The following USP40 variants were observed in gnomAD, a reference collection of about 807,000 sequenced individuals.
The protein encoded by USP40 is ubiquitin carboxyl-terminal hydrolase 40.
A neutral mutation model predicts 166.2 loss-of-function variants in USP40; 143 were observed. The observed-to-expected ratio is 0.86, with a 90% CI of 0.75 to 0.99. USP40 has a LOEUF of 0.99. USP40 is among the 50% of genes least tolerant of loss of function. The probability of loss-of-function intolerance (pLI) is 0.00; values close to 1 mark genes in which losing one functional copy is unlikely to be tolerated. For missense variants in USP40, 1,444 were observed against 1,479.7 expected (o/e 0.98, Z 0.40); for synonymous variants, 498 against 524.0 (o/e 0.95, Z 0.68).
chr2:233,539,926 G>A (rs953033148), intron 10 of USP40, among the ~76,000 whole-genome samples: 1 of 151,990 alleles, frequency 6.6e-6, no homozygotes, highest in African/African-American at 2.4e-5. Context: ...TTGAGTCCAG[G>A]AGTTTGAGAC....
chr2:233,509,398 G>GA (rs2066643067), intron 21 of USP40, among the ~76,000 whole-genome samples: 1 of 151,830 alleles, frequency 6.6e-6, no homozygotes, highest in Non-Finnish European at 1.5e-5. Flanking sequence ...ATAAATACTA[G>GA]AAAAAATATG....
intron 12 of USP40, among the ~76,000 whole-genome samples, chr2:233,527,980 A>ATT (rs200328029): frequency 0.011 from 1,509 of 139,552 alleles, 30 homozygotes; most frequent in African/African-American, 0.036. Context: ...TTCTCCCATG[A>ATT]TTTTTTTTTT....
At chr2:233,498,940 A>G (rs1174798401) in intron 22 of USP40, among the ~76,000 whole-genome samples, 1 of 152,194 alleles carries the variant, frequency 6.6e-6, no homozygotes, top group Non-Finnish European at 1.5e-5. Flanking sequence ...GAATCAATAA[A>G]ATTGAAAGGA....
At chr2:233,512,534 T>G (rs1178427725) in intron 19 of USP40, 35 bp downstream of exon 19, 1 of 1,502,766 alleles carries the variant, frequency 6.7e-7, no homozygotes. Context: ...CAGACGAGTA[T>G]AAGCCACCTT....
Position 233,510,116 on chromosome 2 carries a change from A to G in USP40, c.2546T>C (p.Met849Thr). ...SSSQLFLFFA[M>T]GSDVQPGTEM... ...TGTCCCAGGTTGAACGTCACTCCCC[A>G]TTGCAAAAAACAGGAACAACTAATA... The change falls in exon 21 of 32, where the codon ATG (methionine) becomes ACG (threonine). Residue 849 changes from methionine (M) to threonine (T), a missense_variant. Transcript: ENST00000678225. 1.2e-6 allele frequency: 2 copies of G among 1,603,522 alleles called. No homozygotes were observed. Among genetic ancestry groups the G allele is most frequent in the East Asian group, 2.2e-5 (1 of 44,690 alleles).
intron 2 of USP40, among the ~76,000 whole-genome samples, chr2:233,563,951 A>G (rs1243132078): frequency 6.6e-6 from 1 of 152,154 alleles, no homozygotes; most frequent in Non-Finnish European, 1.5e-5. Context: ...CTACGTTTCT[A>G]CTTCGAGTTG....
At chr2:233,498,332 G>A (rs905936852) in intron 23 of USP40, among the ~76,000 whole-genome samples, 30 of 152,134 alleles carry the variant, frequency 2.0e-4, no homozygotes, top group Non-Finnish European at 1.2e-4. Context: ...TCATGGCAAG[G>A]GGGTTTACCA....
chr2:233,521,172 A>G, intron 16 of USP40, 58 bp from the exon 17 acceptor site: 1 of 1,548,934 alleles, frequency 6.5e-7, no homozygotes, highest in South Asian at 1.2e-5. Context: ...TCACTTCCAA[A>G]ACTCTGCATG....
At chr2:233,558,027 T>TAAAA (rs2071254611) in intron 4 of USP40, among the ~76,000 whole-genome samples, 1 of 113,328 alleles carries the variant, frequency 8.8e-6, no homozygotes, top group Non-Finnish European at 1.9e-5. Flanking sequence ...AAAAAAAAAG[T>TAAAA]TTTGTGTGAA....
chr2:233,498,609 T>A lies in USP40; in HGVS notation c.2654A>T (p.Asp885Val), dbSNP rs1476430890. 5.6e-6 allele frequency: 9 copies of A among 1,613,190 alleles called. No individual in the cohort carries two copies. The highest frequency in any genetic ancestry group is 7.6e-6 in the Non-Finnish European group (9 of 1,179,554). ...ATCCATTTTTCGTAAATGCCAGGCA[T>A]CTCCTATAAAGGAGTCAAAATTGGG... is the stretch of plus-strand genomic sequence containing the variant. ...LMLKKSGLQG[D>V]AWHLRKMDWC... Residue 885 changes from aspartate to valine, a missense_variant, in exon 23 of 32, where the codon GAT (aspartate) becomes GTT (valine). Asp to Val is a radical substitution (Grantham distance 152, BLOSUM62 -3). Transcript: ENST00000678225.
rs796621719 is a variant in USP40, at chr2:233,558,382, A to G, written c.382-1363T>C. Among the ~76,000 whole-genome samples the G allele has an allele frequency of 3.9e-5, 6 of 152,266 alleles. No individual in the cohort carries two copies. The East Asian group carries it at 9.6e-4, about 24-fold the overall frequency. On this transcript the variant is annotated intron_variant, in intron 4 of 31. Transcript: ENST00000678225. ...ACCAATGACTAGATTAAAAAAAAAA[A>G]ACAAAAAACATGTGGCATATCCATC...
At chr2:233,552,885 T>A (rs1034141949) in intron 6 of USP40, among the ~76,000 whole-genome samples, 1 of 152,346 alleles carries the variant, frequency 6.6e-6, no homozygotes, top group Middle Eastern at 3.4e-3. Context: ...AGTGCTATCA[T>A]AATGAAGTGA....
chr2:233,531,168 A>G lies in USP40; in HGVS notation c.1472-1656T>C, dbSNP rs79351043. Among the ~76,000 whole-genome samples the G allele has an allele frequency of 6.9e-3, 1,055 of 152,298 alleles. 10 individuals are homozygous for G. Among genetic ancestry groups the G allele is most frequent in the African/African-American group, 0.024 (982 of 41,554 alleles). On this transcript the variant is annotated intron_variant, in intron 11 of 31. Coordinates refer to ENST00000678225, the MANE Select transcript of USP40 (RefSeq NM_001365479.2). ...CTGAAGAGCTACCTTACCACGGATT[A>G]AAACACAAATATGCTTAGATCAACT...
In USP40 at chr2:233,533,488, G is replaced by T. The variant is rs770852270; in HGVS notation, c.1462C>A (p.Pro488Thr). The T allele has an allele frequency of 2.5e-6, 4 of 1,612,640 alleles. No individual in the cohort carries two copies. The highest frequency in any genetic ancestry group is 3.4e-6 in the Non-Finnish European group (4 of 1,179,064). The change falls in exon 11 of 32, where the codon CCC becomes ACC. Residue 488 changes from proline (P) to threonine (T), a missense_variant. Transcript: ENST00000678225. The stretch of plus-strand genomic sequence containing the variant: ...ATTTTTCTTTCCATACCTTCAGGGG[G>T]TCTCTGCAACTGGGATTTCCGATAA... The part of the protein sequence containing the change: ...LFYRKSQLQR[P>T]PEARANPRYG...
chr2:233,558,483 G>T (rs2071294463), intron 4 of USP40, among the ~76,000 whole-genome samples: 1 of 152,122 alleles, frequency 6.6e-6, no homozygotes, highest in Non-Finnish European at 1.5e-5. Context: ...CCTGAGAACA[G>T]TACTTTAAGT....
chr2:233,561,250 G>A (rs368576563), intron 3 of USP40: 80 of 1,509,354 alleles, frequency 5.3e-5, no homozygotes, highest in South Asian at 1.2e-4. Flanking sequence ...AAAAGAGCCC[G>A]CATCGCCAAG....
rs763638738 is a variant in USP40, at chr2:233,523,235, C to T, written c.2136G>A (p.Thr712=). 1.5e-5 allele frequency: 24 copies of T among 1,613,842 alleles called. No homozygotes were observed. The East Asian group carries it at 2.9e-4, about 19-fold the overall frequency. Residue 712 remains threonine (T), a synonymous_variant, in exon 16 of 32, where the codon ACG becomes ACA. Transcript: ENST00000678225. ...CATTTCTGAGCCCTTGCTCCCTGAACGTCTTCCTCATGTCTTCCTTGGGGA... is the reference window on the plus strand; with the variant it reads ...CATTTCTGAGCCCTTGCTCCCTGAATGTCTTCCTCATGTCTTCCTTGGGGA... The part of the protein sequence containing the change: ...TAIPKEDMRK[T]FREQGLRNGS...
rs11332355 is a variant in USP40, at chr2:233,533,791, C to CAA, written c.1171-14_1171-13dup. 22 of 1,311,558 alleles carry CAA rather than the reference C, an allele frequency of 1.7e-5. No individual in the cohort carries two copies. The highest frequency in any genetic ancestry group is 3.4e-5 in the South Asian group (2 of 59,646). 81.2% of individuals were successfully genotyped at this position (1,311,558 alleles called of 1,614,324 possible). A position where few individuals can be genotyped will look rare whatever the true frequency, so the allele number is the denominator to read the frequency against. ...TGGAGCTGTAAGAACTACACAGAAACAAAAAAAAAAATGCTAAGTTAATTA... is the reference window on the plus strand; with the variant it reads ...TGGAGCTGTAAGAACTACACAGAAACAAAAAAAAAAAAATGCTAAGTTAATTA... On this transcript the variant is annotated splice_polypyrimidine_tract_variant and intron_variant, in intron 10 of 31. Coordinates refer to ENST00000678225, the MANE Select transcript of USP40 (RefSeq NM_001365479.2).
Position 233,477,434 on chromosome 2 carries a change from G to A in USP40, c.3669C>T (p.Ala1223=), listed in dbSNP as rs2064236806. The change falls in exon 32 of 32, where the codon GCC becomes GCT. Residue 1223 remains alanine, a synonymous_variant. Transcript: ENST00000678225. ...SSAETPARPR[A]PETSLSIHVG... ...CGTGGATGGAGAGAGAAGTTTCCGG[G>A]GCTCGGGGCCGGGCAGGCGTCTCTG... is the stretch of plus-strand genomic sequence containing the variant. 6.2e-7 allele frequency: 1 copy of A among 1,613,792 alleles called. No individual in the cohort carries two copies. Among genetic ancestry groups the A allele is most frequent in the Admixed American group, 1.7e-5 (1 of 60,028 alleles).
Sources: allele counts gnomAD v4.1 joint callset (sites outside exome capture counted in the v4.1 genomes callset), GRCh38; gene constraint gnomAD v4.1.1; transcripts MANE v1.5; gene names NCBI Gene and HGNC (gene_info 2026-07-23, HGNC 2026-07-21).